Variants in B3GALT1 observed in about 807,000 individuals in gnomAD.
B3GALT1 encodes UDP-Gal:betaGlcNAc beta 1,3-galactosyltransferase, polypeptide 1.
B3GALT1 carries 10 observed loss-of-function variants against 23.2 expected under a neutral mutation model. That is an observed-to-expected ratio of 0.43 (90% CI 0.27 to 0.73). The LOEUF is 0.73. Among genes scored for constraint, B3GALT1 ranks in the 30% least tolerant of loss-of-function variants. The pLI is 0.21. For missense variants in B3GALT1, 299 were observed against 405.4 expected, an observed-to-expected ratio of 0.74 and a Z score of 2.25; for synonymous variants, 156 against 141.5, an observed-to-expected ratio of 1.10 and a Z score of -0.73.
chr2:167,512,628 A>G (rs1251999693), intron 2 of B3GALT1, among the ~76,000 whole-genome samples: 2 of 97,746 alleles, frequency 2.0e-5, no homozygotes, highest in Non-Finnish European at 3.8e-5. Context: ...ATACGTGTAT[A>G]TATATATACA....
At chr2:167,816,246 T>G (rs7583857) in intron 3 of B3GALT1, among the ~76,000 whole-genome samples, 248 of 152,322 alleles carry the variant, frequency 1.6e-3, no homozygotes, top group African/African-American at 5.6e-3. Context: ...TGATGGCAAT[T>G]AAGTATTTTG....
rs79908389 is a variant in B3GALT1 at position 167,685,372 on chromosome 2, T to C, written c.-352+38406T>C. Among the ~76,000 whole-genome samples the C allele has an allele frequency of 6.8e-3, 1,037 of 152,292 alleles. 11 individuals carry two copies. The highest frequency in any genetic ancestry group is 0.024 in the African/African-American group (978 of 41,558). ...CCTCCTGAGGAGCTGGGATTATTGGTACATGCCACAGTGCCTAGCTATCCA... is the reference window on the plus strand; with the variant it reads ...CCTCCTGAGGAGCTGGGATTATTGGCACATGCCACAGTGCCTAGCTATCCA... On this transcript the variant is annotated intron_variant, in intron 3 of 4. Coordinates refer to ENST00000392690, the MANE Select transcript of B3GALT1 (RefSeq NM_020981.4).
chr2:167,609,775 T>A (rs904245295), intron 2 of B3GALT1, among the ~76,000 whole-genome samples: 7 of 152,140 alleles, frequency 4.6e-5, no homozygotes, highest in African/African-American at 1.7e-4. Context: ...TCAATTCCCC[T>A]AATTGAATTT....
intron 1 of B3GALT1, among the ~76,000 whole-genome samples, chr2:167,455,132 A>G (rs528603498): frequency 6.6e-6 from 1 of 152,344 alleles, no homozygotes; most frequent in South Asian, 2.1e-4. Flanking sequence ...CATAAATGGG[A>G]CAGTCCATAC....
At chr2:167,867,097 T>C (rs975748590) in intron 4 of B3GALT1, among the ~76,000 whole-genome samples, 6 of 152,278 alleles carry the variant, frequency 3.9e-5, no homozygotes, top group Non-Finnish European at 7.4e-5. Flanking sequence ...TGGCTAATTT[T>C]TTGTATTTTT....
chr2:167,412,540 C>T (rs189815727), intron 1 of B3GALT1, among the ~76,000 whole-genome samples: 83 of 152,202 alleles, frequency 5.5e-4, no homozygotes, highest in African/African-American at 1.9e-3. Context: ...CTTGAATCTA[C>T]AACATACCAT....
At chr2:167,391,400 AAGATTT>A (rs1256522435) in intron 1 of B3GALT1, among the ~76,000 whole-genome samples, 1 of 152,206 alleles carries the variant, frequency 6.6e-6, no homozygotes, top group Non-Finnish European at 1.5e-5. Flanking sequence ...CTGCTTTGAT[AAGATTT>A]AGAATTACCT....
chr2:167,755,266 CTGA>C (rs1265297700), intron 3 of B3GALT1, among the ~76,000 whole-genome samples: 1 of 151,942 alleles, frequency 6.6e-6, no homozygotes, highest in Non-Finnish European at 1.5e-5. Flanking sequence ...GTACGATGCC[CTGA>C]TGAAGCACTG....
At chr2:167,610,229 C>T (rs528906608) in intron 2 of B3GALT1, among the ~76,000 whole-genome samples, 16 of 152,124 alleles carry the variant, frequency 1.1e-4, no homozygotes, top group Non-Finnish European at 1.0e-4. Flanking sequence ...GATTTAACTA[C>T]GTAAATGTTG....
chr2:167,839,814 C>T (rs549866073), intron 4 of B3GALT1, among the ~76,000 whole-genome samples: 322 of 152,246 alleles, frequency 2.1e-3, no homozygotes, highest in African/African-American at 7.1e-3. Flanking sequence ...CAGCATGGTA[C>T]TGGTACCAAA....
In B3GALT1 at chr2:167,806,623, G is replaced by T. The variant is rs558470214; in HGVS notation, c.-351-12049G>T. Among the ~76,000 whole-genome samples, 3 of 152,274 alleles carry T rather than the reference G, an allele frequency of 2.0e-5. No individual in the cohort carries two copies. In the South Asian group the frequency reaches 6.2e-4, roughly 32 times the overall value. On this transcript the variant is annotated intron_variant, in intron 3 of 4. Coordinates refer to ENST00000392690, the MANE Select transcript of B3GALT1 (RefSeq NM_020981.4). ...GTTTATATGCTGGATTACGTTTATT[G>T]ATTTGCATATGTTGAACCAGCCTTG...
intron 1 of B3GALT1, among the ~76,000 whole-genome samples, chr2:167,377,132 G>A (rs1362499572): frequency 6.6e-6 from 1 of 152,064 alleles, no homozygotes; most frequent in East Asian, 1.9e-4. Flanking sequence ...AAATTTCCAT[G>A]TAATTTTGTG....
At chr2:167,861,045 G>A (rs113389822) in intron 4 of B3GALT1, among the ~76,000 whole-genome samples, 11 of 152,206 alleles carry the variant, frequency 7.2e-5, no homozygotes, top group African/African-American at 1.9e-4. Context: ...GAAGTCTTGC[G>A]GAGCAAAGTA....
At chr2:167,714,509 T>C (rs1017822054) in intron 3 of B3GALT1, 1 of 1,610,912 alleles carries the variant, frequency 6.2e-7, no homozygotes, top group African/African-American at 1.3e-5. Flanking sequence ...TGAGGGACCA[T>C]ATGGCGAACG....
chr2:167,477,336 C>T (rs925953784), intron 1 of B3GALT1, among the ~76,000 whole-genome samples: 1 of 152,156 alleles, frequency 6.6e-6, no homozygotes, highest in South Asian at 2.1e-4. Context: ...CATTATGCCA[C>T]ACCCTGTGCC....
At chr2:167,715,771 A>G (rs555851122) in intron 3 of B3GALT1, 1 of 1,613,264 alleles carries the variant, frequency 6.2e-7, no homozygotes, top group South Asian at 1.1e-5. Context: ...CTTTTGGAAT[A>G]AGGCTAAATT....
chr2:167,297,611 TA>T (rs1030793602), intron 1 of B3GALT1, among the ~76,000 whole-genome samples: 9 of 152,108 alleles, frequency 5.9e-5, no homozygotes, highest in African/African-American at 1.9e-4. Flanking sequence ...TCTATTCTTT[TA>T]TGCAAAAAAA....
intron 1 of B3GALT1, among the ~76,000 whole-genome samples, chr2:167,454,533 A>G (rs1293052065): frequency 6.6e-6 from 1 of 152,220 alleles, no homozygotes; most frequent in Non-Finnish European, 1.5e-5. Flanking sequence ...TCTCAAATAC[A>G]ATTGATATAG....
In B3GALT1 at chr2:167,432,657, A is replaced by G. The variant is rs189611001; in HGVS notation, c.-510-57520A>G. Reference sequence around the variant, plus strand: ...TGTGGAGCTCTTATCAGGCATAGATAGTCCTCCACCTTTGAAAAACTCAAA... The same window carrying G: ...TGTGGAGCTCTTATCAGGCATAGATGGTCCTCCACCTTTGAAAAACTCAAA... On this transcript the variant is annotated intron_variant, in intron 1 of 4. Coordinates refer to ENST00000392690, the MANE Select transcript of B3GALT1 (RefSeq NM_020981.4). Among the ~76,000 whole-genome samples the G allele has an allele frequency of 7.1e-4, 108 of 152,340 alleles. No homozygotes were observed. In the East Asian group the frequency reaches 0.018, roughly 25 times the overall value.
Sources: allele counts gnomAD v4.1 joint callset (sites outside exome capture counted in the v4.1 genomes callset), GRCh38; gene constraint gnomAD v4.1.1; transcripts MANE v1.5; gene names NCBI Gene and HGNC (gene_info 2026-07-23, HGNC 2026-07-21).